Variants in ACOX1 observed in about 807,000 individuals in gnomAD.
The protein encoded by ACOX1 is acyl-CoA oxidase 1, also known as peroxisomal acyl-coenzyme A oxidase 1.
A neutral mutation model predicts 75.5 loss-of-function variants in ACOX1; 41 were observed. The observed-to-expected ratio is 0.54, with a 90% CI of 0.42 to 0.70. The LOEUF is 0.70. ACOX1 is among the 30% of genes least tolerant of loss of function. The pLI, the probability that ACOX1 is intolerant of heterozygous loss-of-function variation, is 0.00. For missense variants in ACOX1, 630 were observed against 837.5 expected (o/e 0.75, Z 3.06); for synonymous variants, 303 against 298.8 (o/e 1.01, Z -0.15).
intron 2 of ACOX1, among the ~76,000 whole-genome samples, chr17:75,969,806 C>G (rs1049290899): frequency 3.3e-5 from 5 of 151,868 alleles, no homozygotes; most frequent in African/African-American, 1.2e-4. Flanking sequence ...TAATACGAAA[C>G]AAGGCAATGT....
rs1240578165 is a variant in ACOX1 at position 75,944,683 on chromosome 17, T to C, written c.*2065A>G. On this transcript the variant is annotated 3_prime_UTR_variant, in exon 14 of 14. Coordinates refer to ENST00000293217, the MANE Select transcript of ACOX1 (RefSeq NM_004035.7). ...TACTCTATCTTTATTCTTGATTATA[T>C]TGAATAAAGTTCAAGACAGAACATT... The C allele has an allele frequency of 3.3e-5, 5 of 152,228 alleles. No homozygotes were observed. Among genetic ancestry groups the C allele is most frequent in the East Asian group, 1.9e-4 (1 of 5,202 alleles). The allele number at this position is 152,228 out of a possible 1,614,324, so 9.4% of individuals were successfully genotyped here.
chr17:75,974,282 T>C (rs893728769), intron 2 of ACOX1, among the ~76,000 whole-genome samples: 1 of 152,160 alleles, frequency 6.6e-6, no homozygotes, highest in African/African-American at 2.4e-5. Context: ...CCCTAGATAA[T>C]ATAAGCAAAT....
intron 2 of ACOX1, among the ~76,000 whole-genome samples, chr17:75,976,844 T>A (rs905760928): frequency 2.6e-5 from 4 of 152,104 alleles, no homozygotes; most frequent in African/African-American, 9.7e-5. Context: ...ATTTAGTCTT[T>A]ACCGATGAAA....
chr17:75,976,572 C>T (rs1361773295), intron 2 of ACOX1, among the ~76,000 whole-genome samples: 1 of 152,128 alleles, frequency 6.6e-6, no homozygotes, highest in Non-Finnish European at 1.5e-5. Flanking sequence ...TTACAAACTT[C>T]AAAAACAAAA....
In ACOX1 at chr17:75,979,076, C is replaced by A. The variant is rs1386465821; in HGVS notation, c.-3G>T. 1.2e-6 allele frequency: 2 copies of A among 1,610,972 alleles called. No homozygotes were observed. Among genetic ancestry groups the A allele is most frequent in the Non-Finnish European group, 8.5e-7 (1 of 1,179,958 alleles). Reference sequence around the variant, plus strand: ...TCCCTGCGCAGGTCCGGGTTCATGGCGACGACCAGCTGGCAGCGAAGTAAG... The same window carrying A: ...TCCCTGCGCAGGTCCGGGTTCATGGAGACGACCAGCTGGCAGCGAAGTAAG... On this transcript the variant is annotated 5_prime_UTR_variant, in exon 1 of 14. Transcript: ENST00000293217.
At chr17:75,977,271 C>G (rs1216755686) in intron 2 of ACOX1, among the ~76,000 whole-genome samples, 1 of 151,890 alleles carries the variant, frequency 6.6e-6, no homozygotes, top group Non-Finnish European at 1.5e-5. Context: ...GCTGAGATTA[C>G]AGGCATGAGC....
chr17:75,969,895 G>A (rs967141108), intron 2 of ACOX1, among the ~76,000 whole-genome samples: 54 of 152,170 alleles, frequency 3.5e-4, no homozygotes, highest in African/African-American at 1.2e-3. Context: ...GAAAGAGAGC[G>A]AGAAAGAGGC....
At chr17:75,949,682 A>G in intron 10 of ACOX1, 36 bp downstream of exon 10, 1 of 1,614,104 alleles carries the variant, frequency 6.2e-7, no homozygotes, top group Non-Finnish European at 8.5e-7. Context: ...CCCCAGCCCC[A>G]CTGCTGCGTA....
intron 2 of ACOX1, among the ~76,000 whole-genome samples, chr17:75,963,509 G>A (rs2065904322): frequency 6.6e-6 from 1 of 151,740 alleles, no homozygotes; most frequent in African/African-American, 2.4e-5. Context: ...AGACCATCCT[G>A]GCCAACAAGG....
chr17:75,961,789 T>G lies in ACOX1; in HGVS notation c.270-1414A>C, dbSNP rs755536413. On this transcript the variant is annotated intron_variant, in intron 2 of 13. Transcript: ENST00000293217. ...AAAAAAAAAAAAAAAAAAAGTTGTA[T>G]AGAATGGAGAATTTGCTGGGTGTGG... is the stretch of plus-strand genomic sequence containing the variant. Among the ~76,000 whole-genome samples the G allele has an allele frequency of 3.4e-5, 5 of 147,414 alleles. No individual in the cohort carries two copies. The South Asian group carries it at 6.4e-4, about 19-fold the overall frequency.
chr17:75,950,144 G>T lies in ACOX1; in HGVS notation c.1299-247C>A, dbSNP rs1260545952. Among the ~76,000 whole-genome samples the T allele has an allele frequency of 6.6e-6, 1 of 151,652 alleles. No homozygotes were observed. Among genetic ancestry groups the T allele is most frequent in the African/African-American group, 2.4e-5 (1 of 41,254 alleles). On this transcript the variant is annotated intron_variant, in intron 9 of 13. Coordinates refer to ENST00000293217, the MANE Select transcript of ACOX1 (RefSeq NM_004035.7). The surrounding 1 kb of genome is among the most constrained non-coding windows in gnomAD (Gnocchi z 4.3). ...ATTTTGTTTTTTTAGTAGAGACAGG[G>T]TTTTACCATGTTGGCCAGGCTGGTC...
At position 75,955,607 on chromosome 17, in the gene ACOX1, G is replaced by A. The variant is rs2065817009; in HGVS notation, c.733C>T (p.His245Tyr). Residue 245 changes from histidine (H) to tyrosine (Y), a missense_variant, in exon 6 of 14, where the codon CAT becomes TAT. Around this residue, in one of 2 missense-constraint regions of ACOX1, gnomAD observed 390 missense variants for 574.9 expected, o/e 0.68. Transcript: ENST00000293217. Reference sequence around the variant, plus strand: ...AGCATGTTTTCTCTGGGAATACGATGGTTGTCCATTTTGAGGTAGCCATTG... The same window carrying A: ...AGCATGTTTTCTCTGGGAATACGATAGTTGTCCATTTTGAGGTAGCCATTG... ...IDNGYLKMDN[H>Y]RIPRENMLMK... 1 of 1,614,140 alleles carries A rather than the reference G, an allele frequency of 6.2e-7. No homozygotes were observed. Among genetic ancestry groups the A allele is most frequent in the Middle Eastern group, 1.6e-4 (1 of 6,062 alleles).
intron 11 of ACOX1, 38 bp downstream of exon 11, chr17:75,949,457 A>G (rs8065191): frequency 1.9e-6 from 3 of 1,611,358 alleles, no homozygotes; most frequent in African/African-American, 1.3e-5. Flanking sequence ...CGGGATGCTG[A>G]GGGCAGGGAA....
intron 2 of ACOX1, among the ~76,000 whole-genome samples, chr17:75,971,013 T>TGG (rs1338163710): frequency 6.6e-6 from 1 of 152,218 alleles, no homozygotes; most frequent in East Asian, 1.9e-4. Flanking sequence ...CAAAACTAGC[T>TGG]GGGCATGATG....
chr17:75,954,703 C>T (rs2065807818), intron 6 of ACOX1, among the ~76,000 whole-genome samples: 1 of 149,400 alleles, frequency 6.7e-6, no homozygotes, highest in South Asian at 2.1e-4. Context: ...TCCTGAGTAG[C>T]TGAGATTACA....
At position 75,978,551 on chromosome 17, in the gene ACOX1, T is replaced by G; in HGVS notation, c.252A>C (p.Glu84Asp). The G allele has an allele frequency of 6.2e-7, 1 of 1,614,178 alleles. No individual in the cohort carries two copies. The change falls in exon 2 of 14, where the codon GAA (glutamate) becomes GAC (aspartate). Residue 84 changes from glutamate to aspartate, a missense_variant. Physicochemically the swap from Glu to Asp is conservative, Grantham distance 45 (BLOSUM62 2). This residue lies in a region of ACOX1 where 390 missense variants were observed against 574.9 expected (regional missense o/e 0.68). Transcript: ENST00000293217. The surrounding 1 kb of genome is among the most constrained non-coding windows in gnomAD (Gnocchi z 4.2). Reference protein sequence around the residue: ...MREFGIADPDEIMWFKNFVHR... With the variant: ...MREFGIADPDDIMWFKNFVHR... ...ATACCTACTTTTTAAACCACATAAT[T>G]TCATCAGGGTCAGCGATGCCAAACT...
In ACOX1 at chr17:75,950,989, C is replaced by A; in HGVS notation, c.1108-25G>T. On this transcript the variant is annotated intron_variant, in intron 8 of 13. Transcript: ENST00000293217. This position sits in a 1 kb window ranked among gnomAD's most constrained non-coding sequence, Gnocchi z 4.3. Reference sequence around the variant, plus strand: ...GCTGAGAGGACAAGCACAGATCTGTCAGGACATCTGTGGTGCTGAGAGCCC... The same window carrying A: ...GCTGAGAGGACAAGCACAGATCTGTAAGGACATCTGTGGTGCTGAGAGCCC... 1 of 1,610,346 alleles carries A rather than the reference C, an allele frequency of 6.2e-7. No individual in the cohort carries two copies. Among genetic ancestry groups the A allele is most frequent in the South Asian group, 1.1e-5 (1 of 90,670 alleles).
In ACOX1 at chr17:75,960,498, C is replaced by T; in HGVS notation, c.270-123G>A. 1.0e-6 allele frequency: 1 copy of T among 953,046 alleles called. No homozygotes were observed. Among genetic ancestry groups the T allele is most frequent in the Non-Finnish European group, 1.6e-6 (1 of 614,422 alleles). 59.0% of individuals were successfully genotyped at this position (953,046 alleles called of 1,614,324 possible). ...CTTAAGTATGAATTAGTTGCGTGCA[C>T]TTAATCATAGATGGGAGCACTGTCC... On this transcript the variant is annotated intron_variant, in intron 2 of 13. Transcript: ENST00000293217. The surrounding 1 kb of genome is among the most constrained non-coding windows in gnomAD (Gnocchi z 4.4).
In ACOX1 at chr17:75,941,555, G is replaced by A. The variant is rs1283042023; in HGVS notation, c.*5193C>T. ...TGAATTTTATTAAGGTTTATTCAAT[G>A]TCACAGAGGAAAGAACGGTTTGTAG... On this transcript the variant is annotated 3_prime_UTR_variant, in exon 14 of 14. Transcript: ENST00000293217. 2 of 152,224 alleles carry A rather than the reference G, an allele frequency of 1.3e-5. No individual in the cohort carries two copies. Among genetic ancestry groups the A allele is most frequent in the African/African-American group, 4.8e-5 (2 of 41,440 alleles). The allele number at this position is 152,224 out of a possible 1,614,324, so 9.4% of individuals were successfully genotyped here. A position where few individuals can be genotyped will look rare whatever the true frequency, so the allele number is the denominator to read the frequency against.
Sources: gnomAD v4.1 joint callset for allele counts (sites outside exome capture counted in the v4.1 genomes callset) on GRCh38, gnomAD v4.1.1 for gene constraint, gnomAD v4.1.1 regional missense constraint, Gnocchi (gnomAD v3.1) non-coding constraint, MANE v1.5 for transcripts, NCBI Gene and HGNC (gene_info 2026-07-23, HGNC 2026-07-21) for gene names.